The following DPP6 variants were observed in gnomAD, a reference collection of about 807,000 sequenced individuals.
DPP6 encodes the protein dipeptidyl peptidase like 6, also known as A-type potassium channel modulatory protein DPP6.
Under a neutral mutation model 122.6 loss-of-function variants are expected in DPP6, and 69 were observed. That is an observed-to-expected ratio of 0.56 (90% CI 0.46 to 0.69). DPP6 has a LOEUF of 0.69. Ranked by LOEUF, DPP6 falls within the 30% of genes least tolerant of loss-of-function variation. DPP6 has a pLI of 0.00. For missense variants in DPP6, 928 were observed against 1,116.9 expected, an observed-to-expected ratio of 0.83 and a Z score of 2.41; for synonymous variants, 418 against 433.1, an observed-to-expected ratio of 0.97 and a Z score of 0.43.
the DPP6 span, among the ~76,000 whole-genome samples, chr7:153,757,478 G>T: frequency 5.4e-4 from 82 of 152,298 alleles, no homozygotes; most frequent in African/African-American, 1.9e-3. Flanking sequence ...GTTTACTGAG[G>T]TAGAGTGGAA....
Position 154,821,908 on chromosome 7 carries a change from T to C in DPP6, c.1666+14796T>C, listed in dbSNP as rs2316525. On this transcript the variant is annotated intron_variant, in intron 16 of 25. Transcript: ENST00000377770. The surrounding 1 kb of genome is among the most constrained non-coding windows in gnomAD (Gnocchi z 4.2). Reference sequence around the variant, plus strand: ...CCGTCATCCTCCAGGAAATTCACAGTAAGCCTTTGCAGACCCACAGCGGTG... The same window carrying C: ...CCGTCATCCTCCAGGAAATTCACAGCAAGCCTTTGCAGACCCACAGCGGTG... Among the ~76,000 whole-genome samples the C allele has an allele frequency of 0.79, 119,207 of 151,494 alleles. 47,143 individuals are homozygous for C. The highest frequency in any genetic ancestry group is 0.84 in the Non-Finnish European group (56,765 of 67,820).
intron 3 of DPP6, among the ~76,000 whole-genome samples, chr7:154,506,314 C>T (rs1825659171): frequency 6.6e-6 from 1 of 151,944 alleles, no homozygotes; most frequent in South Asian, 2.1e-4. Context: ...TTTCAATGCT[C>T]TCAAGAATTT....
At chr7:154,576,137 C>T (rs1299620934) in intron 5 of DPP6, among the ~76,000 whole-genome samples, 5 of 151,998 alleles carry the variant, frequency 3.3e-5, no homozygotes, top group African/African-American at 9.7e-5. Flanking sequence ...ACAGGGACAC[C>T]GCTGTGAGTC....
chr7:154,795,216 A>G (rs3807268), intron 11 of DPP6, among the ~76,000 whole-genome samples: 22,999 of 152,108 alleles, frequency 0.15, 2,591 homozygotes, highest in African/African-American at 0.31. Flanking sequence ...ATAACCCATG[A>G]CAGAGGCCTG....
At chr7:154,259,951 G>T (rs900102414) in intron 1 of DPP6, among the ~76,000 whole-genome samples, 1 of 152,198 alleles carries the variant, frequency 6.6e-6, no homozygotes, top group African/African-American at 2.4e-5. Flanking sequence ...CAGGGCTGCG[G>T]CATGAGGCAG....
At chr7:154,021,573 C>T (rs1222854385) in intron 1 of DPP6, among the ~76,000 whole-genome samples, 1 of 152,146 alleles carries the variant, frequency 6.6e-6, no homozygotes, top group Non-Finnish European at 1.5e-5. Flanking sequence ...CCATATATCC[C>T]AAACGAGGGC....
chr7:154,702,506 A>G (rs1019937603), intron 7 of DPP6, among the ~76,000 whole-genome samples: 1 of 152,278 alleles, frequency 6.6e-6, no homozygotes, highest in African/African-American at 2.4e-5. Context: ...TAGGTAAGGG[A>G]AACAGCCTGG....
intron 15 of DPP6, 53 bp downstream of exon 15, chr7:154,805,017 G>A: frequency 6.4e-7 from 1 of 1,554,492 alleles, no homozygotes; most frequent in Non-Finnish European, 8.7e-7. Flanking sequence ...AGGGCATCCA[G>A]GCTTTGCAGA....
At position 153,966,610 on chromosome 7, in the gene DPP6, T is replaced by A. The variant is rs1169107857; in HGVS notation, c.51+78876T>A. ...TTTACTGCATATAGCCCTTTTTTTT[T>A]AAAAAATTATACTTTAATTTTTACA... is the stretch of plus-strand genomic sequence containing the variant. On this transcript the variant is annotated intron_variant, in intron 1 of 25. Coordinates refer to the DPP6 transcript ENST00000404039. 9.1e-4 allele frequency among the ~76,000 whole-genome samples: 62 copies of A among 68,280 alleles called. 1 individual carries two copies. The highest frequency in any genetic ancestry group is 2.8e-3 in the African/African-American group (49 of 17,666). 44.8% of individuals were successfully genotyped at this position (68,280 alleles called of 152,430 possible).
chr7:154,497,269 C>T (rs555427064), intron 3 of DPP6, among the ~76,000 whole-genome samples: 7 of 152,112 alleles, frequency 4.6e-5, no homozygotes, highest in Admixed American at 6.6e-5. Flanking sequence ...CTGAGGAAGG[C>T]GGAGGAAGGT....
intron 1 of DPP6, among the ~76,000 whole-genome samples, chr7:154,180,527 G>T (rs1056497147): frequency 2.1e-5 from 3 of 142,688 alleles, no homozygotes; most frequent in South Asian, 2.1e-4. Flanking sequence ...TAAATATATA[G>T]AGAGTATATA....
the DPP6 span, among the ~76,000 whole-genome samples, chr7:153,859,766 T>C: frequency 2.0e-5 from 3 of 152,210 alleles, no homozygotes; most frequent in Non-Finnish European, 2.9e-5. Flanking sequence ...AGGAAACTTA[T>C]GATCATGGCA....
chr7:153,948,683 A>T (rs756496627), intron 1 of DPP6, among the ~76,000 whole-genome samples: 4 of 151,420 alleles, frequency 2.6e-5, no homozygotes, highest in African/African-American at 9.7e-5. Context: ...TGAACAAAAT[A>T]TAATACAACT....
chr7:153,810,367 T>A, the DPP6 span, among the ~76,000 whole-genome samples: 3 of 152,110 alleles, frequency 2.0e-5, no homozygotes, highest in African/African-American at 7.2e-5. Flanking sequence ...ATAAAACATA[T>A]AAAATACTAG....
chr7:153,797,552 G>A, the DPP6 span, among the ~76,000 whole-genome samples: 14 of 152,122 alleles, frequency 9.2e-5, no homozygotes, highest in African/African-American at 2.7e-4. Flanking sequence ...CAATGACTCA[G>A]TTGTGTCTTT....
At chr7:154,762,829 G>A (rs1340489333) in intron 8 of DPP6, among the ~76,000 whole-genome samples, 2 of 152,162 alleles carry the variant, frequency 1.3e-5, no homozygotes, top group Non-Finnish European at 2.9e-5. Flanking sequence ...TTGAATTCTG[G>A]GATACCGAGT....
intron 1 of DPP6, among the ~76,000 whole-genome samples, chr7:154,380,875 A>G (rs1813536142): frequency 3.9e-5 from 6 of 152,174 alleles, no homozygotes; most frequent in Admixed American, 3.9e-4. Flanking sequence ...TTTGCCAGGA[A>G]TGCATAGCTT....
chr7:154,510,023 G>A (rs1478458926), intron 3 of DPP6, among the ~76,000 whole-genome samples: 1 of 152,106 alleles, frequency 6.6e-6, no homozygotes, highest in African/African-American at 2.4e-5. Flanking sequence ...ATGATGGTGG[G>A]TGCACATGTC....
intron 5 of DPP6, among the ~76,000 whole-genome samples, chr7:154,611,193 C>G (rs1293155927): frequency 6.6e-6 from 1 of 152,148 alleles, no homozygotes; most frequent in Non-Finnish European, 1.5e-5. Flanking sequence ...TGACAATGAA[C>G]AGTTCTACCC....
Sources: gnomAD v4.1 joint callset for allele counts (sites outside exome capture counted in the v4.1 genomes callset) on GRCh38, gnomAD v4.1.1 for gene constraint, Gnocchi (gnomAD v3.1) non-coding constraint, MANE v1.5 for transcripts, NCBI Gene and HGNC (gene_info 2026-07-23, HGNC 2026-07-21) for gene names.